The following C10orf67 variants were observed in gnomAD, a reference collection of about 807,000 sequenced individuals.
The protein encoded by C10orf67 is chromosome 10 open reading frame 67.
Under a neutral mutation model 35.6 loss-of-function variants are expected in C10orf67, and 60 were observed. The ratio of observed to expected loss-of-function variants is 1.68; its 90% CI spans 1.37 to 2.09. The LOEUF (loss-of-function observed/expected upper bound fraction) is 2.09. C10orf67 is among the 30% of genes most tolerant of loss of function. The pLI is 0.00. For synonymous variants in C10orf67, 167 were observed against 115.8 expected, an observed-to-expected ratio of 1.44 and a Z score of -2.84; for missense variants, 474 against 330.2, an observed-to-expected ratio of 1.44 and a Z score of -3.38.
intron 13 of C10orf67, 59 bp from the exon 14 acceptor site, chr10:23,223,877 T>C: frequency 2.8e-6 from 2 of 706,726 alleles, no homozygotes; most frequent in Non-Finnish European, 5.2e-6. Context: ...TCAAATCAAA[T>C]GGACGTTAAT....
rs376733450 is a variant in C10orf67 at position 23,207,867 on chromosome 10, G to A, written c.1571-3612C>T. On this transcript the variant is annotated intron_variant, in intron 15 of 15. Transcript: ENST00000636213. ...TGGTGAAACGGCACCAAATAGCTTT[G>A]GTATGTGTACAACAAAAACCCACCT... is the stretch of plus-strand genomic sequence containing the variant. Among the ~76,000 whole-genome samples the A allele has an allele frequency of 3.9e-5, 6 of 152,158 alleles. No individual in the cohort carries two copies. In the East Asian group the frequency reaches 1.2e-3, roughly 29 times the overall value.
intron 2 of C10orf67, among the ~76,000 whole-genome samples, chr10:23,324,904 A>G (rs1446939670): frequency 6.6e-6 from 1 of 152,168 alleles, no homozygotes; most frequent in Admixed American, 6.5e-5. Flanking sequence ...GAAGAATTTC[A>G]TTTTAGTATC....
At chr10:23,281,611 T>G (rs760118238) in intron 8 of C10orf67, among the ~76,000 whole-genome samples, 5 of 152,198 alleles carry the variant, frequency 3.3e-5, no homozygotes, top group Non-Finnish European at 7.3e-5. Context: ...TGTTTTCTTA[T>G]GAGACTAACA....
At chr10:23,257,304 GA>G (rs1403867927) in intron 10 of C10orf67, among the ~76,000 whole-genome samples, 1 of 152,180 alleles carries the variant, frequency 6.6e-6, no homozygotes, top group African/African-American at 2.4e-5. Context: ...GTTTGGATTA[GA>G]ACCACAGAGA....
At chr10:23,311,730 A>AGAAG (rs1844507667) in intron 4 of C10orf67, among the ~76,000 whole-genome samples, 1 of 151,104 alleles carries the variant, frequency 6.6e-6, no homozygotes, top group African/African-American at 2.4e-5. Context: ...AAAAAAAGAA[A>AGAAG]TTCTAGCTTG....
chr10:23,344,742 A>T lies in C10orf67; in HGVS notation c.33T>A (p.Tyr11Ter). ...CCCATCTAATAACTATGCTCATGAC[A>T]TAATGAGCCCTGCGATCCCGGACCA... The part of the protein sequence containing the change: MALVRDRRAH[Y>*]VMSIVIRWVH... The change falls in exon 1 of 16, where the codon TAT (tyrosine) becomes TAA (stop). Residue 11 changes from tyrosine (Y) to a stop codon, truncating the protein, a stop_gained. Transcript: ENST00000636213. LOFTEE classifies it high-confidence loss of function. 4 of 1,571,324 alleles carry T rather than the reference A, an allele frequency of 2.5e-6. No homozygotes were observed. The highest frequency in any genetic ancestry group is 3.5e-6 in the Non-Finnish European group (4 of 1,158,460).
intron 15 of C10orf67, among the ~76,000 whole-genome samples, chr10:23,204,987 A>T (rs1829610286): frequency 6.6e-6 from 1 of 152,202 alleles, no homozygotes; most frequent in South Asian, 2.1e-4. Context: ...GCCTGCGGTC[A>T]CCGGTAGGTG....
chr10:23,236,195 G>A (rs548962719), intron 13 of C10orf67, among the ~76,000 whole-genome samples: 3 of 148,194 alleles, frequency 2.0e-5, no homozygotes, highest in South Asian at 4.3e-4. Context: ...CTTGCAGTGA[G>A]CTGAGATTGC....
At chr10:23,306,467 T>C (rs1844283963) in intron 4 of C10orf67, among the ~76,000 whole-genome samples, 1 of 142,474 alleles carries the variant, frequency 7.0e-6, no homozygotes, top group African/African-American at 2.6e-5. Flanking sequence ...GAGGTTGCAG[T>C]GAGCCGAGAT....
intron 6 of C10orf67, 65 bp downstream of exon 6, chr10:23,291,065 CAT>C: frequency 9.6e-6 from 6 of 625,120 alleles, no homozygotes; most frequent in African/African-American, 3.7e-5. Flanking sequence ...AAAAGACAAA[CAT>C]AGTTATGAGC....
chr10:23,275,831 A>G lies in C10orf67; in HGVS notation c.975+6182T>C, dbSNP rs187707959. On this transcript the variant is annotated intron_variant, in intron 8 of 15. Transcript: ENST00000636213. ...TATCTAGAATTTTTTGAGGTTTTAA[A>G]AAAGTTGGGCGGGAGTCACTTTGAA... Among the ~76,000 whole-genome samples, 69 of 152,258 alleles carry G rather than the reference A, an allele frequency of 4.5e-4. 1 individual carries two copies. The East Asian group carries it at 0.012, about 26-fold the overall frequency.
intron 13 of C10orf67, among the ~76,000 whole-genome samples, chr10:23,233,907 GAAAC>G (rs1426654577): frequency 2.0e-5 from 3 of 152,136 alleles, no homozygotes; most frequent in Non-Finnish European, 4.4e-5. Context: ...CATGAGCCAG[GAAAC>G]AAACAAAAAG....
intron 1 of C10orf67, among the ~76,000 whole-genome samples, chr10:23,340,994 A>G (rs1039896063): frequency 1.3e-5 from 2 of 152,254 alleles, no homozygotes; most frequent in African/African-American, 4.8e-5. Context: ...TCAGTCAATG[A>G]AGACAACATT....
At chr10:23,290,688 C>T (rs994215560) in intron 6 of C10orf67, among the ~76,000 whole-genome samples, 8 of 152,174 alleles carry the variant, frequency 5.3e-5, no homozygotes, top group African/African-American at 1.9e-4. Context: ...ATTGAAGTAA[C>T]TAGTAAGTAC....
At chr10:23,228,039 A>T (rs1266783691) in intron 13 of C10orf67, among the ~76,000 whole-genome samples, 1 of 152,216 alleles carries the variant, frequency 6.6e-6, no homozygotes, top group Non-Finnish European at 1.5e-5. Flanking sequence ...ATTCAATGCC[A>T]TTCCCATCAA....
chr10:23,269,445 A>G (rs1842963583), intron 8 of C10orf67, among the ~76,000 whole-genome samples: 1 of 152,168 alleles, frequency 6.6e-6, no homozygotes, highest in Non-Finnish European at 1.5e-5. Context: ...AAAATATTAA[A>G]AGTAGGCAAA....
At chr10:23,205,505 T>G (rs1841133931) in intron 15 of C10orf67, among the ~76,000 whole-genome samples, 1 of 152,218 alleles carries the variant, frequency 6.6e-6, no homozygotes, top group Admixed American at 6.5e-5. Flanking sequence ...GTCAATGGGT[T>G]CCATAATTTA....
intron 5 of C10orf67, among the ~76,000 whole-genome samples, chr10:23,299,700 G>A (rs571373924): frequency 6.1e-4 from 93 of 152,212 alleles, no homozygotes; most frequent in Non-Finnish European, 9.7e-4. Context: ...AGAAGGGGGC[G>A]GGTGCAGTGG....
chr10:23,242,492 A>G (rs1212317687), intron 12 of C10orf67, among the ~76,000 whole-genome samples: 1 of 152,228 alleles, frequency 6.6e-6, no homozygotes, highest in African/African-American at 2.4e-5. Context: ...CAATAAGCAG[A>G]AAAAAATGAG....
Sources: gnomAD v4.1 joint callset for allele counts (sites outside exome capture counted in the v4.1 genomes callset) on GRCh38, gnomAD v4.1.1 for gene constraint, MANE v1.5 for transcripts, NCBI Gene and HGNC (gene_info 2026-07-23, HGNC 2026-07-21) for gene names.